Variants in IPO7 observed in about 807,000 individuals in gnomAD.
IPO7 encodes the protein importin-7.
A neutral mutation model predicts 136.4 loss-of-function variants in IPO7; 13 were observed. The observed-to-expected ratio is 0.10, with a 90% CI of 0.06 to 0.15. The LOEUF is 0.15. IPO7 is among the 10% of genes least tolerant of loss of function. The probability of loss-of-function intolerance (pLI) is 1.00; values close to 1 mark genes in which losing one functional copy is unlikely to be tolerated. For synonymous variants in IPO7, 403 were observed against 404.4 expected, an observed-to-expected ratio of 1.00 and a Z score of 0.04; for missense variants, 857 against 1,240.6, an observed-to-expected ratio of 0.69 and a Z score of 4.65.
At chr11:9,423,187 T>C (rs774722750) in intron 9 of IPO7, 47 bp downstream of exon 9, 1 of 1,256,540 alleles carries the variant, frequency 8.0e-7, no homozygotes, top group Admixed American at 2.2e-5. Flanking sequence ...ATAATAGAAA[T>C]GACATCAATT....
chr11:9,402,954 G>T, intron 1 of IPO7: 1 of 246,842 alleles, frequency 4.1e-6, no homozygotes, highest in Non-Finnish European at 7.7e-6. Context: ...CTGGGGAGGC[G>T]GAGGTTGCAG....
chr11:9,389,738 A>G (rs528764429), intron 1 of IPO7, among the ~76,000 whole-genome samples: 35 of 151,994 alleles, frequency 2.3e-4, no homozygotes, highest in African/African-American at 7.7e-4. Flanking sequence ...TCAATATGGT[A>G]TATAATGGTT....
In IPO7 at chr11:9,446,811, T is replaced by A. The variant is rs1855535728; in HGVS notation, c.*1617T>A. 6.6e-6 allele frequency: 1 copy of A among 152,240 alleles called. No individual in the cohort carries two copies. Among genetic ancestry groups the A allele is most frequent in the African/African-American group, 2.4e-5 (1 of 41,472 alleles). 9.4% of individuals were successfully genotyped at this position (152,240 alleles called of 1,614,324 possible). ...TTAAGCCACTACTGTTGGCACTGTT[T>A]GGTTTTCTATTTTAACACTGAAGGA... On this transcript the variant is annotated 3_prime_UTR_variant, in exon 25 of 25. Transcript: ENST00000379719.
chr11:9,404,682 C>T (rs1403335851), intron 2 of IPO7, among the ~76,000 whole-genome samples: 1 of 150,296 alleles, frequency 6.7e-6, no homozygotes, highest in Non-Finnish European at 1.5e-5. Context: ...TCTTCTGCCT[C>T]AGCCTCCTGA....
chr11:9,442,275 CATT>C, intron 24 of IPO7, 78 bp downstream of exon 24: 1 of 599,818 alleles, frequency 1.7e-6, no homozygotes, highest in Non-Finnish European at 2.9e-6. Context: ...AATTTTATAT[CATT>C]AAATTTTATC....
chr11:9,447,218 C>A lies in IPO7; in HGVS notation c.*2024C>A, dbSNP rs1855541582. On this transcript the variant is annotated 3_prime_UTR_variant, in exon 25 of 25. Coordinates refer to ENST00000379719, the MANE Select transcript of IPO7 (RefSeq NM_006391.3). ...CATTATTGTTAATGGAAAATCATAT[C>A]TAATAAAGGTTTTAGTTATTCCCAT... 6.6e-6 allele frequency: 1 copy of A among 152,086 alleles called. No homozygotes were observed. The highest frequency in any genetic ancestry group is 2.4e-5 in the African/African-American group (1 of 41,402). 9.4% of individuals were successfully genotyped at this position (152,086 alleles called of 1,614,324 possible).
intron 1 of IPO7, among the ~76,000 whole-genome samples, chr11:9,393,864 G>C (rs1854672159): frequency 6.6e-6 from 1 of 152,062 alleles, no homozygotes. Context: ...CCTTGGAAAA[G>C]TAATTTCTAA....
intron 1 of IPO7, among the ~76,000 whole-genome samples, chr11:9,399,551 G>A (rs948347931): frequency 6.6e-6 from 1 of 152,198 alleles, no homozygotes; most frequent in Admixed American, 6.6e-5. Context: ...GGATTACTGT[G>A]AGGATAGTGA....
chr11:9,393,644 A>G (rs892647298), intron 1 of IPO7, among the ~76,000 whole-genome samples: 3 of 152,080 alleles, frequency 2.0e-5, no homozygotes, highest in African/African-American at 7.2e-5. Context: ...CGGCCTCCCA[A>G]AGTGTTGGGA....
rs535314654 is a variant in IPO7, at chr11:9,421,279, T to C, written c.906+581T>C. On this transcript the variant is annotated intron_variant, in intron 8 of 24. Transcript: ENST00000379719. ...CCCGGCCCAGAATTCTAATTTTTGC[T>C]TGAAACCTCAAGTTTTAACACCAGT... 6.1e-5 allele frequency among the ~76,000 whole-genome samples: 9 copies of C among 148,382 alleles called. No homozygotes were observed. The South Asian group carries it at 2.0e-3, about 32-fold the overall frequency.
intron 16 of IPO7, among the ~76,000 whole-genome samples, chr11:9,432,185 G>A (rs1855303702): frequency 6.6e-6 from 1 of 151,248 alleles, no homozygotes; most frequent in African/African-American, 2.4e-5. Flanking sequence ...TTTGCAGCAT[G>A]AGGTTTTTCA....
chr11:9,416,405 T>C (rs1855043017), intron 5 of IPO7, among the ~76,000 whole-genome samples: 1 of 152,214 alleles, frequency 6.6e-6, no homozygotes, highest in Non-Finnish European at 1.5e-5. Context: ...ACTAGGAGGA[T>C]CATAACTTTT....
rs574521217 is a variant in IPO7, at chr11:9,388,405, G to A, written c.84+3558G>A. Among the ~76,000 whole-genome samples the A allele has an allele frequency of 2.2e-3, 336 of 151,854 alleles. 2 individuals carry two copies. Among genetic ancestry groups the A allele is most frequent in the Non-Finnish European group, 4.3e-3 (291 of 67,928 alleles). On this transcript the variant is annotated intron_variant, in intron 1 of 24. Coordinates refer to ENST00000379719, the MANE Select transcript of IPO7 (RefSeq NM_006391.3). ...TTGGCCAGGCTGGTCTCCAACTCCTGACCTTGTGATCCGCCCACCTCGGCC... is the reference window on the plus strand; with the variant it reads ...TTGGCCAGGCTGGTCTCCAACTCCTAACCTTGTGATCCGCCCACCTCGGCC...
intron 1 of IPO7, among the ~76,000 whole-genome samples, chr11:9,385,480 C>T (rs1265624863): frequency 6.6e-6 from 1 of 152,192 alleles, no homozygotes; most frequent in Non-Finnish European, 1.5e-5. Context: ...TGTCCTAATG[C>T]TTCAGTCGGG....
rs1259094983 is a variant in IPO7 at position 9,437,796 on chromosome 11, A to G, written c.2311A>G (p.Arg771Gly). Residue 771 changes from arginine to glycine, a missense_variant, in exon 21 of 25, where the codon AGA becomes GGA. Coordinates refer to ENST00000379719, the MANE Select transcript of IPO7 (RefSeq NM_006391.3). ...GGAAGCAGCCTTAGAAAGACTGACA[A>G]GAGAGGTTAAGACAAGTGAACTTCG... is the stretch of plus-strand genomic sequence containing the variant. Reference protein sequence around the residue: ...FVEAALERLTREVKTSELRTM... With the variant: ...FVEAALERLTGEVKTSELRTM... 2 of 1,613,982 alleles carry G rather than the reference A, an allele frequency of 1.2e-6. No homozygotes were observed. Among genetic ancestry groups the G allele is most frequent in the Admixed American group, 1.7e-5 (1 of 59,998 alleles).
At position 9,429,813 on chromosome 11, in the gene IPO7, A is replaced by G. The variant is rs769810870; in HGVS notation, c.1731A>G (p.Ala577=). ...ATAGTGAAGAAGTTACTCCTATTGCAGTAGAAATGACACAACATTTGGTAT... is the reference window on the plus strand; with the variant it reads ...ATAGTGAAGAAGTTACTCCTATTGCGGTAGAAATGACACAACATTTGGTAT... The part of the protein sequence containing the change: ...CEYSEEVTPI[A]VEMTQHLAMT... The change falls in exon 15 of 25, where the codon GCA becomes GCG. Residue 577 remains alanine (A), a synonymous_variant. Transcript: ENST00000379719. The G allele has an allele frequency of 2.5e-6, 4 of 1,592,900 alleles. No homozygotes were observed. In the Admixed American group the frequency reaches 5.6e-5, roughly 22 times the overall value.
At chr11:9,418,132 G>A (rs1373046882) in intron 6 of IPO7, among the ~76,000 whole-genome samples, 1 of 151,592 alleles carries the variant, frequency 6.6e-6, no homozygotes. Flanking sequence ...GTGCAGTGGT[G>A]CGATCTCAGC....
At chr11:9,432,383 G>T (rs938147119) in intron 16 of IPO7, among the ~76,000 whole-genome samples, 1 of 151,962 alleles carries the variant, frequency 6.6e-6, no homozygotes, top group Non-Finnish European at 1.5e-5. Context: ...TCTATTTTTA[G>T]TAGAGACAGG....
At chr11:9,421,592 C>A (rs1248271265) in intron 8 of IPO7, among the ~76,000 whole-genome samples, 1 of 150,476 alleles carries the variant, frequency 6.6e-6, no homozygotes. Context: ...CACGCCACTG[C>A]ACTCCAGCCT....
Sources: allele counts gnomAD v4.1 joint callset (sites outside exome capture counted in the v4.1 genomes callset), GRCh38; gene constraint gnomAD v4.1.1; transcripts MANE v1.5; gene names NCBI Gene and HGNC (gene_info 2026-07-23, HGNC 2026-07-21).